UBA1: variants seen among roughly 807,000 people sequenced by gnomAD.
The protein encoded by UBA1 is ubiquitin like modifier activating enzyme 1, also known as ubiquitin-like modifier-activating enzyme 1.
A neutral mutation model predicts 84.7 loss-of-function variants in UBA1; 4 were observed. That is an observed-to-expected ratio of 0.05 (90% CI 0.02 to 0.11). The LOEUF (loss-of-function observed/expected upper bound fraction) is 0.11. Ranked by LOEUF, UBA1 falls within the 10% of genes least tolerant of loss-of-function variation. The probability of loss-of-function intolerance (pLI) is 1.00; values close to 1 mark genes in which losing one functional copy is unlikely to be tolerated. For synonymous variants in UBA1, 364 were observed against 362.6 expected, an observed-to-expected ratio of 1.00 and a Z score of -0.04; for missense variants, 513 against 902.8, an observed-to-expected ratio of 0.57 and a Z score of 5.53.
At chrX:47,209,473 G>A (rs1469155442) in intron 16 of UBA1, 150 bp from the exon 17 acceptor site, 2 of 552,293 alleles carry the variant, frequency 3.6e-6, no homozygotes, top group Non-Finnish European at 6.4e-6. Context: ...AATTGAGGTG[G>A]GGGAATGGGG....
intron 1 of UBA1, among the ~76,000 whole-genome samples, chrX:47,195,110 C>T (rs1005732774): frequency 1.6e-4 from 18 of 111,791 alleles, no homozygotes; most frequent in African/African-American, 5.9e-4. Context: ...TCACATCAGG[C>T]CTCAGAATCT....
upstream of UBA1, chrX:47,191,821 C>A (rs1936068725): frequency 8.9e-6 from 1 of 111,884 alleles, no homozygotes; most frequent in African/African-American, 3.3e-5. Context: ...GCTTTGTCTG[C>A]GTGATCCGCG....
chrX:47,201,992 G>T (rs1936433358), intron 8 of UBA1, among the ~76,000 whole-genome samples, 164 bp from the exon 9 acceptor site: 1 of 111,212 alleles, frequency 9.0e-6, no homozygotes, highest in Non-Finnish European at 1.9e-5. Flanking sequence ...GCTGAGTCTG[G>T]GGCACAGGAG....
At chrX:47,208,218 T>C (rs1936751717) in intron 16 of UBA1, among the ~76,000 whole-genome samples, 1 of 113,050 alleles carries the variant, frequency 8.8e-6, no homozygotes, top group South Asian at 3.6e-4. Flanking sequence ...GGCTGAAGTG[T>C]ATTGGCACAA....
intron 17 of UBA1, 93 bp downstream of exon 17, chrX:47,209,780 C>A: frequency 9.3e-7 from 1 of 1,079,403 alleles, no homozygotes; most frequent in Non-Finnish European, 1.3e-6. Context: ...TGGCACCAGG[C>A]ACACTTTTCA....
At chrX:47,198,679 C>T (rs1936291310) in intron 1 of UBA1, 124 bp from the exon 2 acceptor site, 1 of 657,055 alleles carries the variant, frequency 1.5e-6, no homozygotes, top group East Asian at 3.4e-5. Context: ...TGTGCCTGTC[C>T]CCTCTTTGCT....
rs1556794718 is a variant in UBA1, at chrX:47,214,789, C to T, written c.3042-5C>T. 2.5e-6 allele frequency: 3 copies of T among 1,210,798 alleles called. No homozygotes were observed. The highest frequency in any genetic ancestry group is 2.2e-6 in the Non-Finnish European group (2 of 895,561). On this transcript the variant is annotated splice_region_variant and splice_polypyrimidine_tract_variant and intron_variant, in intron 25 of 25. Transcript: ENST00000335972. ...GACCCTATACTCCCATCCCCCTATC[C>T]CCAGGATGACAGAGATTGTGAGCCG...
rs782818396 is a variant in UBA1, at chrX:47,197,990, T to C, written c.1-813T>C. 2.3e-5 allele frequency: 20 copies of C among 870,062 alleles called. No individual in the cohort carries two copies. In the East Asian group the frequency reaches 1.5e-3, roughly 66 times the overall value. The allele number at this position is 870,062 out of a possible 1,213,427, so 71.7% of individuals were successfully genotyped here. ...GGACTCCTGATCAATCTAATACTCA[T>C]TTATCATTGTGGTTAACCTGTTTAA... On this transcript the variant is annotated intron_variant, in intron 1 of 25. Coordinates refer to ENST00000335972, the MANE Select transcript of UBA1 (RefSeq NM_003334.4).
chrX:47,211,862 T>C (rs1936932042), intron 20 of UBA1, among the ~76,000 whole-genome samples: 1 of 109,862 alleles, frequency 9.1e-6, no homozygotes, highest in South Asian at 4.0e-4. Context: ...CATGTTCCTT[T>C]ATGTATGTCT....
chrX:47,212,896 C>T (rs373616321), intron 22 of UBA1, 33 bp downstream of exon 22: 13 of 1,205,761 alleles, frequency 1.1e-5, no homozygotes, highest in African/African-American at 1.1e-4. Flanking sequence ...GTTCCACCCT[C>T]CTCCAGGTTT....
chrX:47,198,459 C>T (rs1211661616), intron 1 of UBA1: 3 of 401,205 alleles, frequency 7.5e-6, no homozygotes, highest in Non-Finnish European at 1.2e-5. Context: ...GAAACCAGGT[C>T]TGTCCTGAAT....
chrX:47,201,013 C>T lies in UBA1; in HGVS notation c.587+13C>T, dbSNP rs1556787719. On this transcript the variant is annotated intron_variant, in intron 6 of 25. Transcript: ENST00000335972. ...GGGGCCTGTTTGGGTGAGTGGCAGC[C>T]CACCTCCCTCCCTGTCCCCTTTTCC... The T allele has an allele frequency of 8.7e-7, 1 of 1,155,254 alleles. No individual in the cohort carries two copies. The highest frequency in any genetic ancestry group is 2.4e-5 in the Admixed American group (1 of 41,848).
Position 47,199,294 on chromosome X carries a change from G to A in UBA1, c.262G>A (p.Ala88Thr), listed in dbSNP as rs781884907. 5.0e-6 allele frequency: 6 copies of A among 1,211,796 alleles called. No individual in the cohort carries two copies. Among genetic ancestry groups the A allele is most frequent in the Non-Finnish European group, 2.2e-6 (2 of 895,371 alleles). Residue 88 changes from alanine (A) to threonine (T), a missense_variant, in exon 4 of 26, where the codon GCT (alanine) becomes ACT (threonine). Transcript: ENST00000335972. ...SGLRGLGVEI[A>T]KNIILGGVKA... ...CCTGCGGGGCCTGGGCGTGGAGATC[G>A]CTAAGAACATCATCCTTGGTGGGGT...
intron 18 of UBA1, 107 bp downstream of exon 18, chrX:47,210,230 GGCATGGGGA>G (rs1936864977): frequency 2.2e-6 from 2 of 906,804 alleles, no homozygotes; most frequent in Admixed American, 5.0e-5. Context: ...GGTGCCCTGA[GGCATGGGGA>G]TCTGAGAAGA....
chrX:47,205,605 G>C (rs1936634691), intron 14 of UBA1: 2 of 362,137 alleles, frequency 5.5e-6, no homozygotes, highest in African/African-American at 5.0e-5. Flanking sequence ...GCTCACGCCT[G>C]TAATCCCAGC....
At chrX:47,192,888 A>G (rs782067052), upstream of UBA1, among the ~76,000 whole-genome samples, 1 of 112,273 alleles carries the variant, frequency 8.9e-6, no homozygotes, top group Non-Finnish European at 1.9e-5. Context: ...GATTTTCATA[A>G]TAACACATTA....
intron 20 of UBA1, among the ~76,000 whole-genome samples, chrX:47,211,564 CT>C (rs1222058367): frequency 2.7e-5 from 3 of 111,091 alleles, no homozygotes; most frequent in Non-Finnish European, 5.7e-5. Context: ...TCCCTTGATA[CT>C]TTCCTGCCTT....
In UBA1 at chrX:47,201,585, T is replaced by C. The variant is rs782465939; in HGVS notation, c.786T>C (p.Asn262=). 15 of 1,210,101 alleles carry C rather than the reference T, an allele frequency of 1.2e-5. No individual in the cohort carries two copies. In the African/African-American group the frequency reaches 2.6e-4, roughly 21 times the overall value. The part of the protein sequence containing the change: ...EVQGMVELNG[N]QPMEIKVLGP... ...AGGGCATGGTTGAACTCAACGGAAA[T>C]CAGCCCATGGAGATCAAAGTCCTGG... Residue 262 remains asparagine, a synonymous_variant, in exon 8 of 26, where the codon AAT becomes AAC. Coordinates refer to ENST00000335972, the MANE Select transcript of UBA1 (RefSeq NM_003334.4).
intron 20 of UBA1, among the ~76,000 whole-genome samples, chrX:47,212,103 G>GCT (rs1411505423): frequency 3.0e-5 from 3 of 100,534 alleles, no homozygotes; most frequent in Non-Finnish European, 5.9e-5. Context: ...CCCCCATCTT[G>GCT]CTCTACATCA....
Sources: gnomAD v4.1 joint callset for allele counts (sites outside exome capture counted in the v4.1 genomes callset) on GRCh38, gnomAD v4.1.1 for gene constraint, MANE v1.5 for transcripts, NCBI Gene and HGNC (gene_info 2026-07-23, HGNC 2026-07-21) for gene names.